Variants in MED13L observed in about 807,000 individuals in gnomAD.
MED13L encodes the protein mediator complex subunit 13L.
Under a neutral mutation model 220.9 loss-of-function variants are expected in MED13L, and 7 were observed. The ratio of observed to expected loss-of-function variants is 0.03; its 90% CI spans 0.02 to 0.06. The LOEUF (loss-of-function observed/expected upper bound fraction) is 0.06, where lower values mean the gene tolerates loss of function less well. MED13L is among the 10% of genes least tolerant of loss of function. The pLI, the probability that MED13L is intolerant of heterozygous loss-of-function variation, is 1.00. For missense variants in MED13L, 1,965 were observed against 2,760.5 expected, an observed-to-expected ratio of 0.71 and a Z score of 6.46; for synonymous variants, 1,011 against 1,015.2, an observed-to-expected ratio of 1.00 and a Z score of 0.08.
intron 4 of MED13L, among the ~76,000 whole-genome samples, chr12:116,032,474 C>G (rs1004787112): frequency 6.6e-6 from 1 of 152,168 alleles, no homozygotes; most frequent in African/African-American, 2.4e-5. Context: ...ACACCCAGCC[C>G]CAGTTACCCT....
At chr12:116,034,908 G>T (rs1003568396) in intron 4 of MED13L, among the ~76,000 whole-genome samples, 3 of 152,186 alleles carry the variant, frequency 2.0e-5, no homozygotes, top group Non-Finnish European at 4.4e-5. Context: ...GGGAGGCTGA[G>T]GCAGAAGAAT....
At chr12:116,166,989 T>C (rs541002760) in intron 2 of MED13L, among the ~76,000 whole-genome samples, 1 of 152,312 alleles carries the variant, frequency 6.6e-6, no homozygotes, top group South Asian at 2.1e-4. Context: ...TTTTTCATCC[T>C]TTGACTTCAA....
intron 26 of MED13L, among the ~76,000 whole-genome samples, chr12:115,971,551 GT>G (rs1876585442): frequency 6.6e-6 from 1 of 152,174 alleles, no homozygotes; most frequent in Non-Finnish European, 1.5e-5. Flanking sequence ...CTGTGGCCAC[GT>G]TTTGGCCATC....
chr12:116,265,504 T>A (rs1333789574), intron 1 of MED13L, among the ~76,000 whole-genome samples: 4 of 152,244 alleles, frequency 2.6e-5, no homozygotes, highest in Non-Finnish European at 5.9e-5. Flanking sequence ...TATATCGTCT[T>A]GGATTATCTC....
intron 1 of MED13L, among the ~76,000 whole-genome samples, chr12:116,249,005 T>A (rs1338982018): frequency 6.6e-6 from 1 of 152,178 alleles, no homozygotes; most frequent in Non-Finnish European, 1.5e-5. Flanking sequence ...TGGAGACAGA[T>A]CACCAGAAAG....
At chr12:116,007,366 A>C (rs2137377976) in intron 11 of MED13L, 45 bp downstream of exon 11, 1 of 1,553,236 alleles carries the variant, frequency 6.4e-7, no homozygotes, top group Non-Finnish European at 8.9e-7. Flanking sequence ...ACTGACATAG[A>C]TAGAAACCCA....
intron 1 of MED13L, among the ~76,000 whole-genome samples, chr12:116,240,772 C>A (rs534457246): frequency 6.6e-6 from 1 of 151,538 alleles, no homozygotes; most frequent in Non-Finnish European, 1.5e-5. Context: ...CGTGACCCGC[C>A]CACCTCCGCC....
intron 2 of MED13L, among the ~76,000 whole-genome samples, chr12:116,203,400 G>T (rs529228984): frequency 6.7e-6 from 1 of 149,922 alleles, no homozygotes; most frequent in South Asian, 2.1e-4. Context: ...TGTTTTAAAA[G>T]GTGTTTTGTT....
chr12:116,105,469 AAAGC>A (rs1242096778), intron 3 of MED13L, among the ~76,000 whole-genome samples: 8 of 152,252 alleles, frequency 5.3e-5, no homozygotes, highest in Non-Finnish European at 1.2e-4. Flanking sequence ...TACTTTTTCA[AAAGC>A]AAGGAAAAAT....
In MED13L at chr12:116,031,699, A is replaced by AGAAAAGAAAAG. The variant is rs1555251682; in HGVS notation, c.480-9109_480-9099dup. Reference sequence around the variant, plus strand: ...AAAAAAGAAAAGAAAAGAAAAGAAAAGAAAAGAAAAGAAAAGAAAAGAAAA... The same window carrying AGAAAAGAAAAG: ...AAAAAAGAAAAGAAAAGAAAAGAAAAGAAAAGAAAAGGAAAAGAAAAGAAAAGAAAAGAAAA... On this transcript the variant is annotated intron_variant, in intron 4 of 30. Coordinates refer to ENST00000281928, the MANE Select transcript of MED13L (RefSeq NM_015335.5). 4.8e-3 allele frequency among the ~76,000 whole-genome samples: 197 copies of AGAAAAGAAAAG among 41,402 alleles called. 18 individuals are homozygous for AGAAAAGAAAAG. The highest frequency in any genetic ancestry group is 7.8e-3 in the Non-Finnish European group (143 of 18,242). The allele number at this position is 41,402 out of a possible 152,430, so 27.2% of individuals were successfully genotyped here. A position where few individuals can be genotyped will look rare whatever the true frequency, so the allele number is the denominator to read the frequency against.
At chr12:116,086,320 G>A (rs1053348921) in intron 4 of MED13L, among the ~76,000 whole-genome samples, 3 of 117,912 alleles carry the variant, frequency 2.5e-5, no homozygotes, top group African/African-American at 9.7e-5. Context: ...TCTCATTCTT[G>A]TTGCCCAGGC....
intron 16 of MED13L, among the ~76,000 whole-genome samples, chr12:115,993,986 C>T (rs1336498950): frequency 6.6e-6 from 1 of 152,148 alleles, no homozygotes; most frequent in Non-Finnish European, 1.5e-5. Context: ...CAGGATTACA[C>T]ATATGCTGGA....
intron 4 of MED13L, among the ~76,000 whole-genome samples, chr12:116,046,753 C>T (rs966430233): frequency 3.3e-5 from 5 of 152,080 alleles, no homozygotes; most frequent in African/African-American, 1.2e-4. Flanking sequence ...ACAGACGGAT[C>T]ACGAGGTCAG....
intron 3 of MED13L, among the ~76,000 whole-genome samples, chr12:116,100,724 A>G (rs1280797437): frequency 1.3e-5 from 2 of 152,040 alleles, no homozygotes; most frequent in Non-Finnish European, 2.9e-5. Context: ...CAGACAACAT[A>G]GTGGAACCCT....
Position 115,984,286 on chromosome 12 carries a change from C to G in MED13L, c.4425G>C (p.Leu1475=). 1 of 1,614,086 alleles carries G rather than the reference C, an allele frequency of 6.2e-7. No individual in the cohort carries two copies. Among genetic ancestry groups the G allele is most frequent in the African/African-American group, 1.3e-5 (1 of 75,032 alleles). The change falls in exon 20 of 31, where the codon CTG becomes CTC. Residue 1475 remains leucine, a synonymous_variant. Coordinates refer to ENST00000281928, the MANE Select transcript of MED13L (RefSeq NM_015335.5). ...ACCACTCACTCACAAGCTCATCTGT[C>G]AGCTTCTGTGCCACAGTTTTTCCCA... The part of the protein sequence containing the change: ...MRVGKTVAQK[L]TDELVSEWFN...
intron 2 of MED13L, among the ~76,000 whole-genome samples, chr12:116,178,298 T>C (rs1003493514): frequency 6.6e-6 from 1 of 152,236 alleles, no homozygotes; most frequent in Admixed American, 6.5e-5. Context: ...GTATTTTTTA[T>C]ATTGAAAATT....
intron 2 of MED13L, among the ~76,000 whole-genome samples, chr12:116,178,841 G>A (rs1210854025): frequency 3.9e-5 from 6 of 152,196 alleles, no homozygotes; most frequent in Admixed American, 3.3e-4. Flanking sequence ...CTGCAAGACA[G>A]TTTGACATGA....
At chr12:116,131,044 T>C (rs893618111) in intron 2 of MED13L, among the ~76,000 whole-genome samples, 3 of 152,198 alleles carry the variant, frequency 2.0e-5, no homozygotes, top group Non-Finnish European at 2.9e-5. Context: ...TTTAAAAGTA[T>C]ACATTGTGGG....
chr12:116,135,219 T>G (rs1876433661), intron 2 of MED13L, among the ~76,000 whole-genome samples: 1 of 151,966 alleles, frequency 6.6e-6, no homozygotes, highest in South Asian at 2.1e-4. Flanking sequence ...TCTCTATGGG[T>G]AGGTTAGAAA....
Sources: gnomAD v4.1 joint callset for allele counts (sites outside exome capture counted in the v4.1 genomes callset) on GRCh38, gnomAD v4.1.1 for gene constraint, MANE v1.5 for transcripts, NCBI Gene and HGNC (gene_info 2026-07-23, HGNC 2026-07-21) for gene names.